Variants in FBXL13 observed in about 807,000 individuals in gnomAD.
FBXL13 encodes F-box and leucine-rich repeat protein 13.
Under a neutral mutation model 83.6 loss-of-function variants are expected in FBXL13, and 67 were observed. The observed-to-expected ratio is 0.80, with a 90% confidence interval of 0.66 to 0.98. FBXL13 has a LOEUF of 0.98. FBXL13 is among the 50% of genes least tolerant of loss of function. The pLI is 0.00. For synonymous variants in FBXL13, 272 were observed against 299.5 expected, an observed-to-expected ratio of 0.91 and a Z score of 0.95; for missense variants, 822 against 866.5, an observed-to-expected ratio of 0.95 and a Z score of 0.64.
chr7:102,993,257 T>C (rs1417952473), intron 6 of FBXL13, among the ~76,000 whole-genome samples: 1 of 152,208 alleles, frequency 6.6e-6, no homozygotes, highest in Non-Finnish European at 1.5e-5. Context: ...TAATTCTAAG[T>C]AATTTAATCA....
At chr7:102,822,362 C>T (rs77935815) in intron 18 of FBXL13, 159 bp from the exon 20 acceptor site, 15,357 of 765,112 alleles carry the variant, frequency 0.02, 797 homozygotes, top group East Asian at 0.14. Flanking sequence ...AAGTCCAAGA[C>T]TGAGATAAAG....
At chr7:102,871,361 C>A (rs1176177053) in intron 16 of FBXL13, among the ~76,000 whole-genome samples, 1 of 151,976 alleles carries the variant, frequency 6.6e-6, no homozygotes, top group Non-Finnish European at 1.5e-5. Flanking sequence ...CTCCATCCTC[C>A]CAAAGCCAGA....
At chr7:102,998,728 A>G (rs1236869868) in intron 6 of FBXL13, among the ~76,000 whole-genome samples, 2 of 152,036 alleles carry the variant, frequency 1.3e-5, no homozygotes, top group Non-Finnish European at 2.9e-5. Context: ...GCACTTTGGG[A>G]GGCTGAGGCA....
chr7:102,854,021 G>C (rs1193803354), intron 17 of FBXL13, among the ~76,000 whole-genome samples: 1 of 152,100 alleles, frequency 6.6e-6, no homozygotes, highest in Non-Finnish European at 1.5e-5. Flanking sequence ...CCATTACTGG[G>C]TATATACCCA....
intron 8 of FBXL13, among the ~76,000 whole-genome samples, chr7:102,953,804 C>A (rs888556447): frequency 1.3e-5 from 2 of 152,048 alleles, no homozygotes; most frequent in Non-Finnish European, 2.9e-5. Flanking sequence ...AAACTGAAAC[C>A]CTGAATGTTG....
exon 1 of FBXL13, chr7:103,074,425 G>C (rs1799424967): frequency 9.2e-7 from 1 of 1,090,504 alleles, no homozygotes; most frequent in African/African-American, 1.6e-5. Context: ...TGGGGTTTCC[G>C]ATCTGGGCCT....
chr7:102,813,066 C>T (rs903350256), downstream of FBXL13, among the ~76,000 whole-genome samples: 3 of 152,122 alleles, frequency 2.0e-5, no homozygotes, highest in South Asian at 6.2e-4. Flanking sequence ...TGGTCTTGAA[C>T]TCCTGACTTA....
chr7:102,940,051 G>T (rs1821092004), intron 8 of FBXL13, among the ~76,000 whole-genome samples: 1 of 148,522 alleles, frequency 6.7e-6, no homozygotes, highest in Admixed American at 6.7e-5. Flanking sequence ...TGTGCCACCA[G>T]GCCTGGCTAA....
chr7:103,045,555 A>G (rs528081863), intron 2 of FBXL13, among the ~76,000 whole-genome samples: 1 of 152,356 alleles, frequency 6.6e-6, no homozygotes, highest in Admixed American at 6.5e-5. Context: ...GTATGAGTAG[A>G]GGGACCCTTT....
intron 6 of FBXL13, among the ~76,000 whole-genome samples, chr7:102,987,496 T>C (rs566882494): frequency 6.6e-6 from 1 of 152,058 alleles, no homozygotes; most frequent in South Asian, 2.1e-4. Context: ...GAGGATTACA[T>C]GAGATAACTA....
chr7:103,007,006 T>A (rs79811560), intron 6 of FBXL13, among the ~76,000 whole-genome samples: 1,673 of 152,020 alleles, frequency 0.011, 35 homozygotes, highest in African/African-American at 0.039. Context: ...ATTACTAAAC[T>A]TGAAGAAATA....
At chr7:102,882,902 T>C (rs181594410) in intron 14 of FBXL13, among the ~76,000 whole-genome samples, 8 of 152,282 alleles carry the variant, frequency 5.3e-5, no homozygotes, top group Admixed American at 4.6e-4. Context: ...TCAGAAATTC[T>C]TCACAGAGGA....
intron 10 of FBXL13, among the ~76,000 whole-genome samples, chr7:102,924,641 CT>C (rs71106699): frequency 4.5e-4 from 55 of 121,018 alleles, no homozygotes; most frequent in Middle Eastern, 4.8e-3. Context: ...GTAAGCTTTT[CT>C]TTTTTTTTTT....
At chr7:102,852,388 G>C (rs1247970532) in intron 17 of FBXL13, among the ~76,000 whole-genome samples, 1 of 152,116 alleles carries the variant, frequency 6.6e-6, no homozygotes, top group Non-Finnish European at 1.5e-5. Flanking sequence ...AATCAGCAGA[G>C]TAAACAGACA....
intron 6 of FBXL13, among the ~76,000 whole-genome samples, chr7:103,024,851 ATATATATTTT>A (rs1793692520): frequency 2.1e-5 from 2 of 94,972 alleles, no homozygotes; most frequent in African/African-American, 9.5e-5. Flanking sequence ...ATATATATAT[ATATATATTTT>A]TTTTTTTTTT....
intron 7 of FBXL13, 138 bp from the exon 9 acceptor site, chr7:102,963,803 C>T: frequency 2.6e-6 from 2 of 773,932 alleles, no homozygotes; most frequent in Non-Finnish European, 3.9e-6. Flanking sequence ...ATAGAGAAGA[C>T]AGACAACCTA....
intron 4 of FBXL13, among the ~76,000 whole-genome samples, chr7:103,028,214 G>T (rs758754204): frequency 6.6e-6 from 1 of 151,938 alleles, no homozygotes; most frequent in Non-Finnish European, 1.5e-5. Flanking sequence ...TTTTAGTTTC[G>T]TCATATATAC....
At chr7:102,929,945 TAAAC>T (rs1266702974) in intron 9 of FBXL13, among the ~76,000 whole-genome samples, 1 of 150,998 alleles carries the variant, frequency 6.6e-6, no homozygotes, top group Non-Finnish European at 1.5e-5. Flanking sequence ...TAAAGGTCAA[TAAAC>T]AAAGAGAATG....
chr7:102,896,341 T>C (rs946842218), intron 11 of FBXL13, among the ~76,000 whole-genome samples: 1 of 152,116 alleles, frequency 6.6e-6, no homozygotes, highest in African/African-American at 2.4e-5. Flanking sequence ...TAGGAGGCTA[T>C]TGGAATAACC....
Sources: allele counts gnomAD v4.1 joint callset (sites outside exome capture counted in the v4.1 genomes callset), GRCh38; gene constraint gnomAD v4.1.1; transcripts MANE v1.5; gene names NCBI Gene and HGNC (gene_info 2026-07-23, HGNC 2026-07-21).